SERAC1: variants seen among roughly 807,000 people sequenced by gnomAD.
The protein encoded by SERAC1 is protein SERAC1.
In SERAC1, 36 loss-of-function variants were observed where a neutral mutation model predicts 85.7. The observed-to-expected ratio is 0.42, with a 90% CI of 0.32 to 0.55. The LOEUF is 0.55. Ranked by LOEUF, SERAC1 falls within the 20% of genes least tolerant of loss-of-function variation. SERAC1 has a pLI of 0.11. For synonymous variants in SERAC1, 242 were observed against 265.3 expected, an observed-to-expected ratio of 0.91 and a Z score of 0.85; for missense variants, 629 against 796.2, an observed-to-expected ratio of 0.79 and a Z score of 2.53.
At chr6:158,164,457 A>G (rs1456304904) in intron 1 of SERAC1, among the ~76,000 whole-genome samples, 1 of 152,184 alleles carries the variant, frequency 6.6e-6, no homozygotes, top group African/African-American at 2.4e-5. Flanking sequence ...CCTGGGCGAC[A>G]GAGCGAGACT....
chr6:158,159,791 A>G (rs1189927912), intron 1 of SERAC1, among the ~76,000 whole-genome samples: 1 of 151,658 alleles, frequency 6.6e-6, no homozygotes, highest in Admixed American at 6.6e-5. Context: ...CACTCAACTA[A>G]TTTTTTGTAT....
At chr6:158,129,225 G>C (rs1207565373) in intron 9 of SERAC1, among the ~76,000 whole-genome samples, 2 of 152,186 alleles carry the variant, frequency 1.3e-5, no homozygotes, top group Non-Finnish European at 2.9e-5. Flanking sequence ...AGTTTTCCCA[G>C]GTCCCTTCTG....
chr6:158,167,642 C>T (rs993496422), intron 1 of SERAC1, among the ~76,000 whole-genome samples: 1 of 151,066 alleles, frequency 6.6e-6, no homozygotes, highest in South Asian at 2.1e-4. Context: ...AAAATAATGA[C>T]AGTGTTCCTT....
intron 3 of SERAC1, among the ~76,000 whole-genome samples, chr6:158,154,159 C>CAA (rs3041474): frequency 0.015 from 995 of 65,696 alleles, 33 homozygotes; most frequent in Non-Finnish European, 0.019. Flanking sequence ...AACTCTGTCT[C>CAA]AAAAAAAAAA....
At chr6:158,115,681 A>G (rs1264448804) in intron 14 of SERAC1, among the ~76,000 whole-genome samples, 1 of 152,190 alleles carries the variant, frequency 6.6e-6, no homozygotes, top group Non-Finnish European at 1.5e-5. Flanking sequence ...AGGCCATTCC[A>G]TAAGCAACCA....
chr6:158,116,549 A>C, intron 13 of SERAC1: 1 of 368,688 alleles, frequency 2.7e-6, no homozygotes. Flanking sequence ...CTCTCTGCTC[A>C]ATTCCTGAAA....
intron 8 of SERAC1, among the ~76,000 whole-genome samples, chr6:158,142,490 T>C (rs1784941673): frequency 6.6e-6 from 1 of 151,390 alleles, no homozygotes. Flanking sequence ...TCTTTTTTTT[T>C]TTTTTGAGGC....
At chr6:158,151,085 GTGT>G (rs1785193488) in intron 3 of SERAC1, 1 of 154,598 alleles carries the variant, frequency 6.5e-6, no homozygotes, top group African/African-American at 2.4e-5. Flanking sequence ...CCAGAAGAAA[GTGT>G]TGTTATCACA....
chr6:158,125,775 G>T (rs1182933769), intron 10 of SERAC1, among the ~76,000 whole-genome samples: 1 of 152,106 alleles, frequency 6.6e-6, no homozygotes, highest in African/African-American at 2.4e-5. Flanking sequence ...ATACCACAAA[G>T]AATGGCAGGG....
intron 3 of SERAC1, among the ~76,000 whole-genome samples, chr6:158,154,443 T>C (rs966935257): frequency 1.3e-5 from 2 of 152,222 alleles, no homozygotes; most frequent in African/African-American, 4.8e-5. Flanking sequence ...TACAATGTCA[T>C]GGAGAAATGT....
In SERAC1 at chr6:158,120,914, C is replaced by T; in HGVS notation, c.1016-339G>A. 6.6e-6 allele frequency among the ~76,000 whole-genome samples: 1 copy of T among 152,104 alleles called. No individual in the cohort carries two copies. Among genetic ancestry groups the T allele is most frequent in the Non-Finnish European group, 1.5e-5 (1 of 68,002 alleles). ...GTGAACAAAATACCATGATGTTTTG[C>T]TTTTAACAAGAATTATGAAACTCAG... On this transcript the variant is annotated intron_variant, in intron 10 of 16. Transcript: ENST00000647468. The surrounding 1 kb of genome is among the most constrained non-coding windows in gnomAD (Gnocchi z 4.4).
intron 6 of SERAC1, chr6:158,145,911 AGATAT>A (rs1206597721): frequency 6.6e-6 from 1 of 152,214 alleles, no homozygotes; most frequent in Admixed American, 6.5e-5. Context: ...TAACCAGAGA[AGATAT>A]GAGTTCTTTT....
intron 3 of SERAC1, among the ~76,000 whole-genome samples, chr6:158,153,901 C>T (rs1002723659): frequency 5.3e-5 from 8 of 152,022 alleles, no homozygotes; most frequent in African/African-American, 1.2e-4. Context: ...AAGGCCAAGA[C>T]GGGCAGATCA....
At chr6:158,149,322 C>T (rs763755086) in intron 4 of SERAC1, among the ~76,000 whole-genome samples, 51 of 152,320 alleles carry the variant, frequency 3.3e-4, no homozygotes, top group Middle Eastern at 3.4e-3. Flanking sequence ...TATGCTCCAA[C>T]GTTTCAAAGA....
In SERAC1 at chr6:158,109,532, G is replaced by GT; in HGVS notation, c.*1833dup. ...TGAAACAATTAATTGTTGATATCGA[G>GT]TTTATTGATGAGCCATTTACCTTCA... On this transcript the variant is annotated 3_prime_UTR_variant, in exon 17 of 17. Coordinates refer to ENST00000647468, the MANE Select transcript of SERAC1 (RefSeq NM_032861.4). 1 of 152,120 alleles carries GT rather than the reference G, an allele frequency of 6.6e-6. No individual in the cohort carries two copies. The allele number at this position is 152,120 out of a possible 1,614,324, so 9.4% of individuals were successfully genotyped here.
rs375333121 is a variant in SERAC1 at position 158,111,340 on chromosome 6, A to T, written c.*26T>A. On this transcript the variant is annotated 3_prime_UTR_variant, in exon 17 of 17. Coordinates refer to ENST00000647468, the MANE Select transcript of SERAC1 (RefSeq NM_032861.4). ...ACCAAGTTTCTTGCACTGAATTCACATATGAAAACTGGAAGAGCACAACTG... is the reference window on the plus strand; with the variant it reads ...ACCAAGTTTCTTGCACTGAATTCACTTATGAAAACTGGAAGAGCACAACTG... 1 of 1,558,120 alleles carries T rather than the reference A, an allele frequency of 6.4e-7. No homozygotes were observed.
At chr6:158,116,307 A>G (rs1258397359) in intron 13 of SERAC1, 25 bp from the exon 14 acceptor site, 5 of 1,582,624 alleles carry the variant, frequency 3.2e-6, no homozygotes, top group Non-Finnish European at 4.3e-6. Context: ...AACAGCAGGC[A>G]TGACACAAGG....
chr6:158,118,130 A>G (rs541123402), intron 12 of SERAC1, among the ~76,000 whole-genome samples: 1 of 152,358 alleles, frequency 6.6e-6, no homozygotes, highest in South Asian at 2.1e-4. Flanking sequence ...GAAAGAATTT[A>G]GTAGAATGCT....
rs115707945 is a variant in SERAC1 at position 158,116,358 on chromosome 6, A to G, written c.1404-76T>C. 1,835 of 1,162,544 alleles carry G rather than the reference A, an allele frequency of 1.6e-3. 25 individuals are homozygous for G. In the African/African-American group the frequency reaches 0.025, roughly 16 times the overall value. The allele number at this position is 1,162,544 out of a possible 1,614,324, so 72.0% of individuals were successfully genotyped here. Reference sequence around the variant, plus strand: ...ATTTGCTGTCTAATTTTTAGAGTTAAGAACTTTAGTCTACAGGACCAATGC... The same window carrying G: ...ATTTGCTGTCTAATTTTTAGAGTTAGGAACTTTAGTCTACAGGACCAATGC... On this transcript the variant is annotated intron_variant, in intron 13 of 16. Coordinates refer to ENST00000647468, the MANE Select transcript of SERAC1 (RefSeq NM_032861.4).
Sources: allele counts gnomAD v4.1 joint callset (sites outside exome capture counted in the v4.1 genomes callset), GRCh38; gene constraint gnomAD v4.1.1; non-coding constraint Gnocchi (gnomAD v3.1); transcripts MANE v1.5; gene names NCBI Gene and HGNC (gene_info 2026-07-23, HGNC 2026-07-21).